The following VPS13B variants were observed in gnomAD, a reference collection of about 807,000 sequenced individuals.
VPS13B encodes intermembrane lipid transfer protein VPS13B.
Under a neutral mutation model 426.4 loss-of-function variants are expected in VPS13B, and 285 were observed. That is an observed-to-expected ratio of 0.67 (90% CI 0.61 to 0.74). The LOEUF (loss-of-function observed/expected upper bound fraction) is 0.74, where lower values mean the gene tolerates loss of function less well. Among genes scored for constraint, VPS13B ranks in the 30% least tolerant of loss-of-function variants. The pLI is 0.00. For synonymous variants in VPS13B, 1,676 were observed against 1,676.4 expected (o/e 1.00, Z 0.01); for missense variants, 4,537 against 4,782.6 (o/e 0.95, Z 1.51).
intron 19 of VPS13B, among the ~76,000 whole-genome samples, chr8:99,331,065 T>C (rs1394670925): frequency 2.0e-5 from 3 of 151,856 alleles, no homozygotes; most frequent in African/African-American, 7.2e-5. Flanking sequence ...GAACTATCCA[T>C]TGAATTTCCT....
chr8:99,127,298 C>T lies in VPS13B; in HGVS notation c.1206+5853C>T, dbSNP rs185478456. On this transcript the variant is annotated intron_variant, in intron 8 of 61. Coordinates refer to ENST00000357162, the MANE Select transcript of VPS13B (RefSeq NM_152564.5). ...CCATCATGATATAGATGCTGATAGACTACCAAATTTGTGTCTCCACTTTTC... is the reference window on the plus strand; with the variant it reads ...CCATCATGATATAGATGCTGATAGATTACCAAATTTGTGTCTCCACTTTTC... Among the ~76,000 whole-genome samples, 577 of 152,180 alleles carry T rather than the reference C, an allele frequency of 3.8e-3. 4 individuals are homozygous for T. Among genetic ancestry groups the T allele is most frequent in the Admixed American group, 6.0e-3 (92 of 15,294 alleles).
At position 99,866,256 on chromosome 8, in the gene VPS13B, A is replaced by C. The variant is rs546138709; in HGVS notation, c.11216-2033A>C. Among the ~76,000 whole-genome samples the C allele has an allele frequency of 4.6e-5, 7 of 152,350 alleles. No individual in the cohort carries two copies. In the East Asian group the frequency reaches 1.3e-3, roughly 29 times the overall value. On this transcript the variant is annotated intron_variant, in intron 58 of 61. Coordinates refer to ENST00000357162, the MANE Select transcript of VPS13B (RefSeq NM_152564.5). ...GATTTAGCTGGATATACTTCAGAGG[A>C]GAGCCATTCCAGGCTCTCAGAGAGG...
At chr8:99,480,169 A>G (rs1027100399) in intron 24 of VPS13B, among the ~76,000 whole-genome samples, 1 of 152,196 alleles carries the variant, frequency 6.6e-6, no homozygotes, top group South Asian at 2.1e-4. Context: ...TTTATCCTAC[A>G]TGTTTTTGCC....
At position 99,442,505 on chromosome 8, in the gene VPS13B, T is replaced by G; in HGVS notation, c.3315T>G (p.His1105Gln). The stretch of plus-strand genomic sequence containing the variant: ...CTGGAACAGTAAGAAGTTGGTACCA[T>G]GGACAAACCAGCATGCCGGGAACAC... ...DIPGTVRSWY[H>Q]GQTSMPGTLV... Residue 1105 changes from histidine (H) to glutamine (Q), a missense_variant, in exon 23 of 62, where the codon CAT becomes CAG. Physicochemically the swap from His to Gln is conservative, Grantham distance 24 (BLOSUM62 0). Transcript: ENST00000357162. The G allele has an allele frequency of 6.2e-7, 1 of 1,613,996 alleles. No individual in the cohort carries two copies. Among genetic ancestry groups the G allele is most frequent in the Non-Finnish European group, 8.5e-7 (1 of 1,179,920 alleles).
At chr8:99,476,413 T>A (rs900581164) in intron 24 of VPS13B, among the ~76,000 whole-genome samples, 2 of 152,198 alleles carry the variant, frequency 1.3e-5, no homozygotes, top group Non-Finnish European at 2.9e-5. Flanking sequence ...CTTGATTTTT[T>A]TTTTTTTTTT....
chr8:99,062,129 T>C (rs576055432), intron 3 of VPS13B, among the ~76,000 whole-genome samples: 11 of 152,326 alleles, frequency 7.2e-5, no homozygotes, highest in African/African-American at 2.6e-4. Flanking sequence ...CCCCCGAAGT[T>C]AGATCGATTC....
chr8:99,169,376 A>G (rs949453810), intron 15 of VPS13B, among the ~76,000 whole-genome samples: 1 of 152,028 alleles, frequency 6.6e-6, no homozygotes, highest in Non-Finnish European at 1.5e-5. Context: ...CAAATATAGT[A>G]TCCAGGAATT....
At chr8:99,670,974 G>A (rs1830693501) in intron 35 of VPS13B, among the ~76,000 whole-genome samples, 1 of 151,986 alleles carries the variant, frequency 6.6e-6, no homozygotes, top group Non-Finnish European at 1.5e-5. Context: ...TCGGCACACT[G>A]GTTTCATTTC....
At chr8:99,311,684 G>A (rs561065351) in intron 19 of VPS13B, among the ~76,000 whole-genome samples, 1 of 152,308 alleles carries the variant, frequency 6.6e-6, no homozygotes, top group East Asian at 1.9e-4. Context: ...TGTCTATTAA[G>A]TCCACTTGGT....
intron 36 of VPS13B, among the ~76,000 whole-genome samples, chr8:99,707,064 A>G (rs959001870): frequency 6.6e-6 from 1 of 152,182 alleles, no homozygotes; most frequent in Non-Finnish European, 1.5e-5. Flanking sequence ...CTATGTTGGC[A>G]TAACATACTG....
intron 3 of VPS13B, among the ~76,000 whole-genome samples, chr8:99,090,471 T>C (rs1588023966): frequency 6.6e-6 from 1 of 152,014 alleles, no homozygotes; most frequent in Non-Finnish European, 1.5e-5. Flanking sequence ...GGTTACACCA[T>C]GTTGGCCACA....
rs563143852 is a variant in VPS13B at position 99,442,752 on chromosome 8, T to C, written c.3445+117T>C. ...ATCAGTCTTCTCATTGAAAGATTTTTCCTGACCAAAGTAAGTGAACTAAGT... is the reference window on the plus strand; with the variant it reads ...ATCAGTCTTCTCATTGAAAGATTTTCCCTGACCAAAGTAAGTGAACTAAGT... On this transcript the variant is annotated intron_variant, in intron 23 of 61. Transcript: ENST00000357162. The C allele has an allele frequency of 1.4e-3, 1,477 of 1,068,656 alleles. 2 individuals carry two copies. Among genetic ancestry groups the C allele is most frequent in the Non-Finnish European group, 1.8e-3 (1,346 of 730,334 alleles). 66.2% of individuals were successfully genotyped at this position (1,068,656 alleles called of 1,614,324 possible). A position where few individuals can be genotyped will look rare whatever the true frequency, so the allele number is the denominator to read the frequency against.
At chr8:99,412,360 G>A (rs1046516756) in intron 21 of VPS13B, among the ~76,000 whole-genome samples, 5 of 152,122 alleles carry the variant, frequency 3.3e-5, no homozygotes, top group Admixed American at 6.6e-5. Context: ...CGCATGATTT[G>A]GCTCTCTGTT....
intron 39 of VPS13B, among the ~76,000 whole-genome samples, chr8:99,758,777 A>G (rs930930321): frequency 6.6e-5 from 10 of 151,848 alleles, no homozygotes; most frequent in Non-Finnish European, 1.2e-4. Context: ...CCTCTGGATC[A>G]TCTTCTCCTT....
chr8:99,770,510 C>G (rs1283438099), intron 40 of VPS13B, among the ~76,000 whole-genome samples: 1 of 152,118 alleles, frequency 6.6e-6, no homozygotes, highest in Non-Finnish European at 1.5e-5. Flanking sequence ...GTTTAATGAA[C>G]TGCAAAAGTA....
chr8:99,842,201 G>A (rs1181008376), intron 54 of VPS13B, among the ~76,000 whole-genome samples: 1 of 152,166 alleles, frequency 6.6e-6, no homozygotes, highest in South Asian at 2.1e-4. Context: ...ATGACTTTTA[G>A]CCCAAAGTCA....
At chr8:99,544,806 T>A (rs898167188) in intron 30 of VPS13B, among the ~76,000 whole-genome samples, 1 of 152,202 alleles carries the variant, frequency 6.6e-6, no homozygotes, top group African/African-American at 2.4e-5. Context: ...CCCTGCCTAA[T>A]AATAGGCCAT....
chr8:99,121,737 A>G (rs1847945707), intron 8 of VPS13B: 1 of 547,388 alleles, frequency 1.8e-6, no homozygotes, highest in Non-Finnish European at 2.6e-6. Flanking sequence ...TAATATTGTC[A>G]TTAAAAAAGA....
chr8:99,476,818 A>G (rs1819717304), intron 24 of VPS13B, among the ~76,000 whole-genome samples: 1 of 152,222 alleles, frequency 6.6e-6, no homozygotes. Flanking sequence ...GGAAGTACTA[A>G]GGAACATTTT....
Sources: gnomAD v4.1 joint callset for allele counts (sites outside exome capture counted in the v4.1 genomes callset) on GRCh38, gnomAD v4.1.1 for gene constraint, MANE v1.5 for transcripts, NCBI Gene and HGNC (gene_info 2026-07-23, HGNC 2026-07-21) for gene names.